The following MYO9A variants were observed in gnomAD, a reference collection of about 807,000 sequenced individuals.
The protein encoded by MYO9A is unconventional myosin-IXa.
A neutral mutation model predicts 293.3 loss-of-function variants in MYO9A; 103 were observed. The ratio of observed to expected loss-of-function variants is 0.35; its 90% CI spans 0.30 to 0.41. The LOEUF (loss-of-function observed/expected upper bound fraction) is 0.41, where lower values mean the gene tolerates loss of function less well. Ranked by LOEUF, MYO9A falls within the 10% of genes least tolerant of loss-of-function variation. MYO9A has a pLI of 1.00. For synonymous variants in MYO9A, 1,001 were observed against 1,035.7 expected (o/e 0.97, Z 0.64); for missense variants, 2,685 against 3,033.0 (o/e 0.89, Z 2.69).
chr15:72,115,829 C>A (rs2080950593), intron 1 of MYO9A, among the ~76,000 whole-genome samples: 1 of 151,994 alleles, frequency 6.6e-6, no homozygotes, highest in Non-Finnish European at 1.5e-5. Flanking sequence ...TTTCAACTCA[C>A]AAAATTATTT....
chr15:71,824,858 C>A lies in MYO9A; in HGVS notation c.*1722G>T, dbSNP rs1223404604. On this transcript the variant is annotated 3_prime_UTR_variant, in exon 42 of 42. Coordinates refer to ENST00000356056, the MANE Select transcript of MYO9A (RefSeq NM_006901.4). ...CTCAGAATTATGCTCCAAGTCTAAC[C>A]TCTGGGGCTGGCCAATAACCACTGA... 1 of 152,300 alleles carries A rather than the reference C, an allele frequency of 6.6e-6. No individual in the cohort carries two copies. Among genetic ancestry groups the A allele is most frequent in the Non-Finnish European group, 1.5e-5 (1 of 68,028 alleles). The allele number at this position is 152,300 out of a possible 1,614,324, so 9.4% of individuals were successfully genotyped here. A position where few individuals can be genotyped will look rare whatever the true frequency, so the allele number is the denominator to read the frequency against.
intron 24 of MYO9A, 57 bp downstream of exon 24, chr15:71,899,630 A>G: frequency 6.9e-7 from 1 of 1,446,324 alleles, no homozygotes; most frequent in Non-Finnish European, 9.4e-7. Flanking sequence ...ATGCAGAGGT[A>G]TAAACAAAGT....
intron 30 of MYO9A, 43 bp downstream of exon 30, chr15:71,879,678 A>T (rs772180444): frequency 1.4e-6 from 2 of 1,413,970 alleles, no homozygotes; most frequent in South Asian, 1.2e-5. Flanking sequence ...CAAATTTTTC[A>T]TATGTTGAAC....
chr15:72,072,072 CAAAA>C (rs34367978), intron 1 of MYO9A, among the ~76,000 whole-genome samples: 1 of 66,938 alleles, frequency 1.5e-5, no homozygotes, highest in Non-Finnish European at 3.4e-5. Flanking sequence ...GAGCCCATGT[CAAAA>C]AAAAAAAAAA....
rs983686632 is a variant in MYO9A at position 71,962,780 on chromosome 15, C to G, written c.1987-2684G>C. On this transcript the variant is annotated intron_variant, in intron 13 of 41. Coordinates refer to ENST00000356056, the MANE Select transcript of MYO9A (RefSeq NM_006901.4). Reference sequence around the variant, plus strand: ...AACTGAAACACCAGTCTGCCCTACTCCTATTAATAACTACACTGTACAACC... The same window carrying G: ...AACTGAAACACCAGTCTGCCCTACTGCTATTAATAACTACACTGTACAACC... Among the ~76,000 whole-genome samples the G allele has an allele frequency of 2.0e-5, 3 of 152,316 alleles. No homozygotes were observed. The South Asian group carries it at 6.2e-4, about 32-fold the overall frequency.
chr15:71,880,394 C>T lies in MYO9A; in HGVS notation c.5563G>A (p.Val1855Ile), dbSNP rs768886485. ...LDSMHWQNDS[V>I]QIIASVSDLK... ...TCACTGACACTTGCTATGATCTGGA[C>T]AGAGTCATTTTGCCAATGCATAGAA... The change falls in exon 29 of 42, where the codon GTC becomes ATC. Residue 1855 changes from valine to isoleucine, a missense_variant. Physicochemically the swap from Val to Ile is conservative, Grantham distance 29 (BLOSUM62 3). Coordinates refer to ENST00000356056, the MANE Select transcript of MYO9A (RefSeq NM_006901.4). 4.3e-6 allele frequency: 7 copies of T among 1,614,100 alleles called. No homozygotes were observed. The highest frequency in any genetic ancestry group is 5.9e-6 in the Non-Finnish European group (7 of 1,180,032).
intron 1 of MYO9A, among the ~76,000 whole-genome samples, chr15:72,069,399 T>A (rs991510015): frequency 6.6e-6 from 1 of 152,140 alleles, no homozygotes; most frequent in Non-Finnish European, 1.5e-5. Context: ...TATTTTTTTG[T>A]CTTTCCATCT....
chr15:72,035,694 A>C (rs2078024020), intron 2 of MYO9A, among the ~76,000 whole-genome samples: 1 of 152,156 alleles, frequency 6.6e-6, no homozygotes, highest in Admixed American at 6.5e-5. Flanking sequence ...AATCTCAGCT[A>C]ATCTGGAGGC....
chr15:71,897,396 A>G, intron 25 of MYO9A, 65 bp downstream of exon 25: 2 of 1,481,590 alleles, frequency 1.3e-6, no homozygotes, highest in Non-Finnish European at 1.8e-6. Context: ...GGAGCAGAAC[A>G]AGGCACCTTA....
intron 11 of MYO9A, 103 bp downstream of exon 11, chr15:71,991,000 T>G: frequency 2.6e-6 from 3 of 1,138,078 alleles, no homozygotes; most frequent in Non-Finnish European, 3.5e-6. Context: ...AAAAACACTA[T>G]GTAAATCAAT....
intron 1 of MYO9A, among the ~76,000 whole-genome samples, chr15:72,056,827 T>C (rs2078732571): frequency 6.6e-6 from 1 of 151,772 alleles, no homozygotes; most frequent in Admixed American, 6.6e-5. Context: ...AATACAAAAA[T>C]GGCTGGGCAC....
intron 2 of MYO9A, chr15:72,039,938 C>A: frequency 5.3e-6 from 1 of 187,464 alleles, no homozygotes; most frequent in South Asian, 1.2e-4. Context: ...ATCTCCAGGT[C>A]CTGGGAGATG....
chr15:71,956,330 A>AAAAAAAAATATATATATATATAT (rs10642655), intron 14 of MYO9A, among the ~76,000 whole-genome samples: 1 of 75,578 alleles, frequency 1.3e-5, no homozygotes, highest in African/African-American at 6.0e-5. Context: ...AAAAAAAAAA[A>AAAAAAAAATATATATATATATAT]ATATATATAT....
intron 32 of MYO9A, among the ~76,000 whole-genome samples, chr15:71,868,830 T>A (rs80256263): frequency 0.014 from 2,062 of 152,014 alleles, 48 homozygotes; most frequent in African/African-American, 0.047. Flanking sequence ...ATATATATTT[T>A]AAAAAAAAGT....
intron 10 of MYO9A, among the ~76,000 whole-genome samples, chr15:71,992,332 C>T (rs1009398031): frequency 6.6e-6 from 1 of 152,154 alleles, no homozygotes; most frequent in African/African-American, 2.4e-5. Flanking sequence ...TTTCTCACCA[C>T]CCCAACCCAT....
intron 20 of MYO9A, 79 bp downstream of exon 20, chr15:71,904,847 A>G (rs2057584834): frequency 1.0e-5 from 10 of 994,784 alleles, no homozygotes; most frequent in Non-Finnish European, 1.3e-5. Flanking sequence ...CTTCCCCTCC[A>G]CTTATTCTGC....
chr15:72,007,668 G>A (rs921714067), intron 8 of MYO9A, among the ~76,000 whole-genome samples, 158 bp downstream of exon 8: 23 of 152,020 alleles, frequency 1.5e-4, no homozygotes, highest in Non-Finnish European at 3.1e-4. Context: ...GCAGGTATCA[G>A]GAAAAATTAG....
At chr15:71,936,563 T>G (rs865824380) in intron 16 of MYO9A, among the ~76,000 whole-genome samples, 4 of 152,138 alleles carry the variant, frequency 2.6e-5, no homozygotes, top group Non-Finnish European at 5.9e-5. Flanking sequence ...CATTACACAA[T>G]GTATACAGGT....
intron 2 of MYO9A, among the ~76,000 whole-genome samples, chr15:72,034,739 T>A (rs1252898619): frequency 6.6e-6 from 1 of 152,234 alleles, no homozygotes; most frequent in Non-Finnish European, 1.5e-5. Context: ...GCATTACATT[T>A]TGAAAAAACT....
Sources: allele counts gnomAD v4.1 joint callset (sites outside exome capture counted in the v4.1 genomes callset), GRCh38; gene constraint gnomAD v4.1.1; transcripts MANE v1.5; gene names NCBI Gene and HGNC (gene_info 2026-07-23, HGNC 2026-07-21).